The following SNCAIP variants were observed in gnomAD, a reference collection of about 807,000 sequenced individuals.
The protein encoded by SNCAIP is synuclein alpha interacting protein.
A neutral mutation model predicts 86.7 loss-of-function variants in SNCAIP; 43 were observed. The observed-to-expected ratio is 0.50, with a 90% confidence interval of 0.39 to 0.64. SNCAIP has a LOEUF of 0.64. Among genes scored for constraint, SNCAIP ranks in the 30% least tolerant of loss-of-function variants. The pLI, the probability that SNCAIP is intolerant of heterozygous loss-of-function variation, is 0.00. For synonymous variants in SNCAIP, 417 were observed against 427.2 expected, an observed-to-expected ratio of 0.98 and a Z score of 0.29; for missense variants, 981 against 1,103.1, an observed-to-expected ratio of 0.89 and a Z score of 1.57.
intron 1 of SNCAIP, among the ~76,000 whole-genome samples, chr5:122,363,206 G>C (rs759277083): frequency 1.3e-5 from 2 of 152,130 alleles, no homozygotes; most frequent in South Asian, 4.1e-4. Flanking sequence ...ATGTTGGTCA[G>C]GCTGGTCTCC....
At chr5:122,342,168 G>C (rs1290453624) in intron 1 of SNCAIP, among the ~76,000 whole-genome samples, 1 of 151,898 alleles carries the variant, frequency 6.6e-6, no homozygotes, top group Non-Finnish European at 1.5e-5. Context: ...GCAATTTTTT[G>C]GTTTCTCCCT....
chr5:122,373,320 C>A (rs1003049168), intron 1 of SNCAIP, among the ~76,000 whole-genome samples: 16 of 152,078 alleles, frequency 1.1e-4, no homozygotes, highest in African/African-American at 3.9e-4. Flanking sequence ...TTCAGCATCT[C>A]ATCACTGGAG....
intron 3 of SNCAIP, among the ~76,000 whole-genome samples, chr5:122,410,976 T>G (rs1375648507): frequency 6.6e-6 from 1 of 152,178 alleles, no homozygotes; most frequent in Non-Finnish European, 1.5e-5. Flanking sequence ...TCTACAAGGT[T>G]CACAGCAGTG....
chr5:122,320,956 G>A (rs1003900201), intron 1 of SNCAIP, among the ~76,000 whole-genome samples: 2 of 152,050 alleles, frequency 1.3e-5, no homozygotes, highest in East Asian at 1.9e-4. Context: ...TTGATGGGTC[G>A]GTCCCCCTGT....
At chr5:122,404,435 C>A (rs530545806) in intron 3 of SNCAIP, among the ~76,000 whole-genome samples, 1 of 152,124 alleles carries the variant, frequency 6.6e-6, no homozygotes, top group African/African-American at 2.4e-5. Flanking sequence ...TCTCTTTACA[C>A]CCCCAACCCC....
In SNCAIP at chr5:122,330,893, C is replaced by G. The variant is rs532508311; in HGVS notation, c.-47+18609C>G. 3.0e-4 allele frequency among the ~76,000 whole-genome samples: 46 copies of G among 151,692 alleles called. 2 individuals are homozygous for G. In the South Asian group the frequency reaches 9.4e-3, roughly 31 times the overall value. Reference sequence around the variant, plus strand: ...CAGTGGAAGCCCTGAGATTGTTTTCCTGCAACTAGATGGTCCCATTGGTGA... The same window carrying G: ...CAGTGGAAGCCCTGAGATTGTTTTCGTGCAACTAGATGGTCCCATTGGTGA... On this transcript the variant is annotated intron_variant, in intron 1 of 10. Coordinates refer to ENST00000261368, the MANE Select transcript of SNCAIP (RefSeq NM_005460.4).
chr5:122,451,328 G>A lies in SNCAIP; in HGVS notation c.2481G>A (p.Gln827=), dbSNP rs1412190665. ...AGGAGCCTGTGGTGCAGATGGAGCA[G>A]CCTAGCCTTGAACTGAATGGAGAAA... ...TFEEPVVQME[Q]PSLELNGEKD... Residue 827 remains glutamine (Q), a synonymous_variant, in exon 10 of 11, where the codon CAG becomes CAA. Transcript: ENST00000261368. 4 of 1,614,044 alleles carry A rather than the reference G, an allele frequency of 2.5e-6. No individual in the cohort carries two copies.
intron 1 of SNCAIP, among the ~76,000 whole-genome samples, chr5:122,346,009 G>C (rs1192630220): frequency 6.6e-6 from 1 of 152,084 alleles, no homozygotes; most frequent in Non-Finnish European, 1.5e-5. Flanking sequence ...AGGTGACAGG[G>C]AACAAAGAAA....
intron 2 of SNCAIP, chr5:122,401,022 G>A: frequency 6.5e-7 from 1 of 1,550,230 alleles, no homozygotes; most frequent in Non-Finnish European, 8.7e-7. Flanking sequence ...ACAAAAGCTT[G>A]GATTGGAGGA....
At chr5:122,381,963 C>T (rs1026235620) in intron 1 of SNCAIP, among the ~76,000 whole-genome samples, 1 of 152,056 alleles carries the variant, frequency 6.6e-6, no homozygotes. Flanking sequence ...TTCTCCCTAG[C>T]TGCCCTTAAC....
chr5:122,396,665 G>A (rs1316334714), intron 2 of SNCAIP, among the ~76,000 whole-genome samples: 1 of 152,130 alleles, frequency 6.6e-6, no homozygotes, highest in Non-Finnish European at 1.5e-5. Flanking sequence ...TGCTCTCAAA[G>A]TGTGTATAGT....
chr5:122,447,586 C>T (rs933258472), intron 8 of SNCAIP, among the ~76,000 whole-genome samples: 2 of 152,180 alleles, frequency 1.3e-5, no homozygotes, highest in East Asian at 3.8e-4. Flanking sequence ...TCTGTTTTAT[C>T]CCCTCAATAA....
intron 10 of SNCAIP, 117 bp downstream of exon 10, chr5:122,451,718 C>A: frequency 1.3e-6 from 1 of 758,550 alleles, no homozygotes; most frequent in Non-Finnish European, 2.2e-6. Flanking sequence ...AAAAAAAATC[C>A]AAAGGGATGC....
At chr5:122,400,761 A>T (rs1321562496) in intron 2 of SNCAIP, among the ~76,000 whole-genome samples, 1 of 152,194 alleles carries the variant, frequency 6.6e-6, no homozygotes, top group African/African-American at 2.4e-5. Flanking sequence ...TTGGAAGCAC[A>T]GGGACGGTGA....
At chr5:122,444,895 C>T (rs1420253113) in intron 8 of SNCAIP, 163 bp downstream of exon 8, 3 of 702,074 alleles carry the variant, frequency 4.3e-6, no homozygotes, top group East Asian at 2.7e-5. Context: ...AGCCAGCGTT[C>T]GTGCTGAAGA....
intron 6 of SNCAIP, 188 bp from the exon 7 acceptor site, chr5:122,440,441 G>A (rs564413788): frequency 2.0e-4 from 122 of 611,430 alleles, no homozygotes; most frequent in South Asian, 1.1e-3. Context: ...TCTCTATGCC[G>A]TCCTCTTTCA....
chr5:122,347,204 G>A (rs1344125076), intron 1 of SNCAIP, among the ~76,000 whole-genome samples: 3 of 152,170 alleles, frequency 2.0e-5, no homozygotes, highest in Non-Finnish European at 4.4e-5. Context: ...CAAATTGTTT[G>A]AAAGGATAGA....
intron 2 of SNCAIP, among the ~76,000 whole-genome samples, chr5:122,398,182 G>A (rs1328643421): frequency 1.3e-4 from 20 of 152,192 alleles, no homozygotes; most frequent in Non-Finnish European, 2.9e-4. Context: ...TCTTGAGGTG[G>A]TAGTGGTGCT....
At chr5:122,429,176 G>A (rs1251953108) in intron 5 of SNCAIP, among the ~76,000 whole-genome samples, 1 of 151,716 alleles carries the variant, frequency 6.6e-6, no homozygotes, top group Non-Finnish European at 1.5e-5. Context: ...GCAGCACTTA[G>A]AGGGAGATTT....
Sources: allele counts gnomAD v4.1 joint callset (sites outside exome capture counted in the v4.1 genomes callset), GRCh38; gene constraint gnomAD v4.1.1; transcripts MANE v1.5; gene names NCBI Gene and HGNC (gene_info 2026-07-23, HGNC 2026-07-21).